Variants in TNNI3K observed in about 807,000 individuals in gnomAD.
TNNI3K encodes TNNI3 interacting kinase, also known as serine/threonine-protein kinase TNNI3K.
A neutral mutation model predicts 114.5 loss-of-function variants in TNNI3K; 140 were observed. The ratio of observed to expected loss-of-function variants is 1.22; its 90% CI spans 1.07 to 1.41. The LOEUF is 1.41. Ranked by LOEUF, TNNI3K falls within the 40% of genes most tolerant of loss-of-function variation. The pLI, the probability that TNNI3K is intolerant of heterozygous loss-of-function variation, is 0.00. For missense variants in TNNI3K, 1,125 were observed against 1,007.6 expected (o/e 1.12, Z -1.58); for synonymous variants, 347 against 347.5 (o/e 1.00, Z 0.02).
At chr1:74,487,829 G>A (rs1398002242) in intron 21 of TNNI3K, among the ~76,000 whole-genome samples, 3 of 152,124 alleles carry the variant, frequency 2.0e-5, no homozygotes, top group Non-Finnish European at 1.5e-5. Flanking sequence ...GTACCAGTGT[G>A]ATCAAAGCTT....
At position 74,284,545 on chromosome 1, in the gene TNNI3K, C is replaced by T. The variant is rs370757315; in HGVS notation, c.444+12837C>T. Among the ~76,000 whole-genome samples the T allele has an allele frequency of 3.3e-4, 50 of 152,304 alleles. 1 individual carries two copies. The South Asian group carries it at 9.5e-3, about 29-fold the overall frequency. ...TAAAAAACCTGCAATTACTTTTGCA[C>T]AAACCTAATAGTTATTGTAAAGGAT... On this transcript the variant is annotated intron_variant, in intron 5 of 24. Transcript: ENST00000326637.
chr1:74,265,190 C>T (rs963676111), intron 4 of TNNI3K, among the ~76,000 whole-genome samples: 2 of 151,892 alleles, frequency 1.3e-5, no homozygotes, highest in African/African-American at 4.8e-5. Flanking sequence ...AAAAAGCATT[C>T]TCTGAAAAGA....
intron 20 of TNNI3K, among the ~76,000 whole-genome samples, chr1:74,458,204 C>G (rs766464286): frequency 1.3e-5 from 2 of 152,160 alleles, no homozygotes; most frequent in Admixed American, 1.3e-4. Flanking sequence ...GACATTTGCT[C>G]AATGTCACAT....
rs148773730 is a variant in TNNI3K at position 74,493,357 on chromosome 1, A to T, written c.2351+1091A>T. On this transcript the variant is annotated intron_variant, in intron 23 of 24. Transcript: ENST00000326637. The stretch of plus-strand genomic sequence containing the variant: ...GTTTTAAAATGGTTATTTCTATGCT[A>T]TGTGAACTTTACCTCGATGAAAACA... 2.9e-3 allele frequency among the ~76,000 whole-genome samples: 446 copies of T among 152,326 alleles called. 3 individuals are homozygous for T. The highest frequency in any genetic ancestry group is 1.0e-2 in the African/African-American group (415 of 41,558).
Position 74,297,853 on chromosome 1 carries a change from A to G in TNNI3K, c.444+26145A>G, listed in dbSNP as rs545089879. On this transcript the variant is annotated intron_variant, in intron 5 of 24. Coordinates refer to ENST00000326637, the MANE Select transcript of TNNI3K (RefSeq NM_015978.3). ...CACTTTTATTGTACTCTATGGTTAA[A>G]ACAATCATAAACCCATCCAGTTTCA... 3.9e-5 allele frequency among the ~76,000 whole-genome samples: 6 copies of G among 152,264 alleles called. No individual in the cohort carries two copies. In the South Asian group the frequency reaches 6.2e-4, roughly 16 times the overall value.
chr1:74,269,237 A>T (rs1442379390), intron 4 of TNNI3K, among the ~76,000 whole-genome samples: 1 of 151,974 alleles, frequency 6.6e-6, no homozygotes, highest in Non-Finnish European at 1.5e-5. Context: ...AAGCTACTGT[A>T]TAGCAATTTC....
At chr1:74,439,908 G>A (rs1304611286) in intron 20 of TNNI3K, among the ~76,000 whole-genome samples, 1 of 151,892 alleles carries the variant, frequency 6.6e-6, no homozygotes, top group Non-Finnish European at 1.5e-5. Context: ...TGATCATGTG[G>A]CATGTGAGAG....
intron 5 of TNNI3K, among the ~76,000 whole-genome samples, chr1:74,302,877 T>A (rs1019094620): frequency 1.3e-5 from 2 of 152,190 alleles, no homozygotes; most frequent in African/African-American, 4.8e-5. Context: ...AGATAAGTGA[T>A]GAAGGTGGCT....
At chr1:74,476,815 C>A (rs1027353665) in intron 21 of TNNI3K, among the ~76,000 whole-genome samples, 7 of 151,926 alleles carry the variant, frequency 4.6e-5, no homozygotes, top group Non-Finnish European at 1.0e-4. Context: ...CCACTGGAGA[C>A]AATATTAATG....
chr1:74,251,321 T>C (rs939637773), intron 4 of TNNI3K, among the ~76,000 whole-genome samples: 3 of 152,212 alleles, frequency 2.0e-5, no homozygotes, highest in Non-Finnish European at 4.4e-5. Context: ...TACTTAGTGT[T>C]GGAATTGAAC....
chr1:74,351,215 T>C (rs1334635705), intron 9 of TNNI3K, among the ~76,000 whole-genome samples: 1 of 152,094 alleles, frequency 6.6e-6, no homozygotes, highest in Admixed American at 6.5e-5. Context: ...TTATTTCTCC[T>C]TCACTTATGA....
chr1:74,527,299 C>A (rs1024756830), intron 23 of TNNI3K, among the ~76,000 whole-genome samples: 1 of 152,106 alleles, frequency 6.6e-6, no homozygotes, highest in Non-Finnish European at 1.5e-5. Flanking sequence ...TCAGAGTAAA[C>A]AGACAAAGAT....
At chr1:74,329,088 TA>T (rs1230454378) in intron 5 of TNNI3K, among the ~76,000 whole-genome samples, 2 of 152,086 alleles carry the variant, frequency 1.3e-5, no homozygotes, top group African/African-American at 4.8e-5. Context: ...TTAGTTACTT[TA>T]TTTACTTAAA....
intron 17 of TNNI3K, chr1:74,375,735 G>A (rs1053683421): frequency 2.4e-5 from 9 of 370,670 alleles, no homozygotes; most frequent in Middle Eastern, 9.0e-4. Flanking sequence ...TACCCACCAA[G>A]TTTTCCTTAA....
At chr1:74,387,492 A>G (rs986781715) in intron 17 of TNNI3K, among the ~76,000 whole-genome samples, 1 of 152,194 alleles carries the variant, frequency 6.6e-6, no homozygotes. Context: ...AAAGAGAACC[A>G]TAGGGACTTC....
rs1417637427 is a variant in TNNI3K at position 74,250,706 on chromosome 1, A to G, written c.270A>G (p.Lys90=). 6.2e-7 allele frequency: 1 copy of G among 1,612,986 alleles called. No individual in the cohort carries two copies. The highest frequency in any genetic ancestry group is 8.5e-7 in the Non-Finnish European group (1 of 1,179,666). ...CACATATTCGAACTCTTATGTTGAA[A>G]GGGCTCCGCCCATCTCGACTGACAA... ...KKSHIRTLML[K]GLRPSRLTRN... Residue 90 remains lysine, a synonymous_variant, in exon 4 of 25, where the codon AAA becomes AAG. Coordinates refer to ENST00000326637, the MANE Select transcript of TNNI3K (RefSeq NM_015978.3).
intron 20 of TNNI3K, among the ~76,000 whole-genome samples, chr1:74,449,089 G>C (rs1289273677): frequency 1.4e-5 from 2 of 141,956 alleles, no homozygotes; most frequent in African/African-American, 5.2e-5. Flanking sequence ...AATCCATCTG[G>C]TCCTGGACTC....
intron 4 of TNNI3K, among the ~76,000 whole-genome samples, chr1:74,261,221 C>T (rs893334846): frequency 6.6e-6 from 1 of 151,474 alleles, no homozygotes; most frequent in African/African-American, 2.4e-5. Context: ...ATTTATAATC[C>T]CACTTACTTT....
intron 11 of TNNI3K, among the ~76,000 whole-genome samples, chr1:74,360,018 C>G (rs989805077): frequency 2.6e-5 from 4 of 151,948 alleles, no homozygotes; most frequent in African/African-American, 9.7e-5. Flanking sequence ...AACTTCTCCT[C>G]CCACCACACA....
Sources: allele counts gnomAD v4.1 joint callset (sites outside exome capture counted in the v4.1 genomes callset), GRCh38; gene constraint gnomAD v4.1.1; transcripts MANE v1.5; gene names NCBI Gene and HGNC (gene_info 2026-07-23, HGNC 2026-07-21).